Variants in ABTB2 observed in about 807,000 individuals in gnomAD.
The protein encoded by ABTB2 is ankyrin repeat and BTB/POZ domain-containing protein 2.
A neutral mutation model predicts 104.1 loss-of-function variants in ABTB2; 56 were observed. The ratio of observed to expected loss-of-function variants is 0.54; its 90% CI spans 0.43 to 0.67. The LOEUF is 0.67. Ranked by LOEUF, ABTB2 falls within the 30% of genes least tolerant of loss-of-function variation. ABTB2 has a pLI of 0.00. For missense variants in ABTB2, 1,279 were observed against 1,407.7 expected (o/e 0.91, Z 1.46); for synonymous variants, 606 against 608.2 (o/e 1.00, Z 0.05).
Position 34,235,704 on chromosome 11 carries a change from T to C in ABTB2, c.884-31014A>G, listed in dbSNP as rs553255069. ...TGGCTTTTAAGCCACAAGCCATGAA[T>C]ACTGCTGACACCACTCCTATGAAGT... On this transcript the variant is annotated intron_variant, in intron 1 of 16. Transcript: ENST00000435224. 3.3e-5 allele frequency among the ~76,000 whole-genome samples: 5 copies of C among 152,322 alleles called. No homozygotes were observed. In the East Asian group the frequency reaches 7.7e-4, roughly 24 times the overall value.
intron 1 of ABTB2, among the ~76,000 whole-genome samples, chr11:34,264,819 A>ATCCC (rs1309038688): frequency 2.0e-5 from 3 of 152,192 alleles, no homozygotes; most frequent in Non-Finnish European, 4.4e-5. Flanking sequence ...GGCCCTGGCC[A>ATCCC]GACCCCTCCT....
chr11:34,301,995 T>A (rs1275521561), intron 1 of ABTB2, among the ~76,000 whole-genome samples: 1 of 152,072 alleles, frequency 6.6e-6, no homozygotes, highest in Non-Finnish European at 1.5e-5. Context: ...TCAAAAAAAA[T>A]AAACATCACA....
intron 1 of ABTB2, among the ~76,000 whole-genome samples, chr11:34,313,691 G>A (rs1040524288): frequency 2.0e-5 from 3 of 152,316 alleles, no homozygotes; most frequent in South Asian, 2.1e-4. Flanking sequence ...CTGGGAGGGC[G>A]CACCTGCCTC....
At chr11:34,204,713 G>A (rs1237240641) in intron 1 of ABTB2, 23 bp from the exon 2 acceptor site, 1 of 1,604,432 alleles carries the variant, frequency 6.2e-7, no homozygotes, top group Non-Finnish European at 8.5e-7. Flanking sequence ...AAGGCAGACA[G>A]GTCACACTTA....
chr11:34,268,314 A>G, intron 1 of ABTB2, among the ~76,000 whole-genome samples: 1 of 152,166 alleles, frequency 6.6e-6, no homozygotes, highest in Middle Eastern at 3.4e-3. Context: ...AAAAATAACT[A>G]CCTCAGAGCT....
At chr11:34,183,471 C>T (rs1467128720) in intron 3 of ABTB2, among the ~76,000 whole-genome samples, 1 of 152,216 alleles carries the variant, frequency 6.6e-6, no homozygotes, top group Non-Finnish European at 1.5e-5. Context: ...TAGAACTGGG[C>T]TGGGCACACC....
chr11:34,221,984 G>A (rs1475466727), intron 1 of ABTB2, among the ~76,000 whole-genome samples: 1 of 152,216 alleles, frequency 6.6e-6, no homozygotes, highest in Non-Finnish European at 1.5e-5. Flanking sequence ...GGCGGAGGTT[G>A]CAGTGAGTCG....
chr11:34,308,203 A>G (rs1463199556), intron 1 of ABTB2, among the ~76,000 whole-genome samples: 1 of 152,214 alleles, frequency 6.6e-6, no homozygotes, highest in Non-Finnish European at 1.5e-5. Flanking sequence ...ATACAGGGCA[A>G]GCATGCAATG....
intron 1 of ABTB2, among the ~76,000 whole-genome samples, chr11:34,258,880 C>T (rs1352785050): frequency 4.6e-5 from 7 of 151,436 alleles, no homozygotes; most frequent in Middle Eastern, 3.4e-3. Context: ...GGATTAAAGG[C>T]GTGAGCCACT....
chr11:34,153,102 A>G (rs1590199188), intron 16 of ABTB2, among the ~76,000 whole-genome samples: 1 of 152,230 alleles, frequency 6.6e-6, no homozygotes, highest in East Asian at 1.9e-4. Flanking sequence ...AGCCAACGTG[A>G]CAGGATGGCT....
intron 1 of ABTB2, among the ~76,000 whole-genome samples, chr11:34,232,561 G>C (rs57295752): frequency 1.3e-5 from 2 of 151,970 alleles, no homozygotes; most frequent in Admixed American, 1.3e-4. Flanking sequence ...GGGACCTCTC[G>C]AGACCTTCTG....
At chr11:34,169,856 C>T (rs1397569068) in intron 5 of ABTB2, among the ~76,000 whole-genome samples, 4 of 152,158 alleles carry the variant, frequency 2.6e-5, no homozygotes, top group African/African-American at 9.7e-5. Context: ...CCAGGCTCGG[C>T]TCAACCGCTT....
At chr11:34,258,540 G>C (rs1370061193) in intron 1 of ABTB2, among the ~76,000 whole-genome samples, 1 of 150,730 alleles carries the variant, frequency 6.6e-6, no homozygotes, top group African/African-American at 2.4e-5. Context: ...GCCTCTTAGA[G>C]TTGTGAGTTA....
intron 1 of ABTB2, among the ~76,000 whole-genome samples, chr11:34,332,039 C>T (rs1355788338): frequency 6.6e-6 from 1 of 152,194 alleles, no homozygotes; most frequent in African/African-American, 2.4e-5. Flanking sequence ...CAACTCCATG[C>T]CCCCAATCTG....
intron 1 of ABTB2, among the ~76,000 whole-genome samples, chr11:34,280,022 C>T (rs1854431733): frequency 6.6e-6 from 1 of 152,104 alleles, no homozygotes; most frequent in African/African-American, 2.4e-5. Flanking sequence ...CCACCTGACT[C>T]AGCCTCCGAA....
rs184063615 is a variant in ABTB2 at position 34,220,369 on chromosome 11, C to T, written c.884-15679G>A. Among the ~76,000 whole-genome samples, 252 of 152,312 alleles carry T rather than the reference C, an allele frequency of 1.7e-3. 1 individual carries two copies. The highest frequency in any genetic ancestry group is 2.5e-3 in the Non-Finnish European group (169 of 68,044). On this transcript the variant is annotated intron_variant, in intron 1 of 16. Transcript: ENST00000435224. The stretch of plus-strand genomic sequence containing the variant: ...ACATCTTCCCAGGCTCTCTTATGGC[C>T]GTGCCACACAGTTCTGGACAATGAG...
intron 2 of ABTB2, 71 bp from the exon 3 acceptor site, chr11:34,197,609 C>T (rs945675441): frequency 2.7e-6 from 3 of 1,113,524 alleles, no homozygotes; most frequent in African/African-American, 1.6e-5. Flanking sequence ...TCACAGCCTG[C>T]ATTCTTCCAA....
intron 3 of ABTB2, among the ~76,000 whole-genome samples, chr11:34,194,298 C>T (rs541490161): frequency 1.3e-5 from 2 of 152,338 alleles, no homozygotes; most frequent in African/African-American, 2.4e-5. Flanking sequence ...ACAGTCTCTA[C>T]AGCCAGACAA....
chr11:34,357,690 T>G lies in ABTB2; in HGVS notation c.-107A>C. The G allele has an allele frequency of 1.7e-6, 2 of 1,193,022 alleles. No homozygotes were observed. The highest frequency in any genetic ancestry group is 3.1e-5 in the East Asian group (1 of 32,214). The allele number at this position is 1,193,022 out of a possible 1,614,324, so 73.9% of individuals were successfully genotyped here. On this transcript the variant is annotated 5_prime_UTR_variant, in exon 1 of 17. Transcript: ENST00000435224. ...CTCTAGGCCCTCCGGGCCACCCTCCTTCCTCTCTGCGTCGCGGGGCTCGGC... is the reference window on the plus strand; with the variant it reads ...CTCTAGGCCCTCCGGGCCACCCTCCGTCCTCTCTGCGTCGCGGGGCTCGGC...
Sources: gnomAD v4.1 joint callset for allele counts (sites outside exome capture counted in the v4.1 genomes callset) on GRCh38, gnomAD v4.1.1 for gene constraint, MANE v1.5 for transcripts, NCBI Gene and HGNC (gene_info 2026-07-23, HGNC 2026-07-21) for gene names.